The following UNC13C variants were observed in gnomAD, a reference collection of about 807,000 sequenced individuals.
UNC13C encodes the protein protein unc-13 homolog C.
In UNC13C, 174 loss-of-function variants were observed where a neutral mutation model predicts 245.4. That is an observed-to-expected ratio of 0.71 (90% CI 0.63 to 0.80). The LOEUF (loss-of-function observed/expected upper bound fraction) is 0.80, where lower values mean the gene tolerates loss of function less well. UNC13C is among the 30% of genes least tolerant of loss of function. The pLI is 0.00. For synonymous variants in UNC13C, 992 were observed against 895.1 expected, an observed-to-expected ratio of 1.11 and a Z score of -1.93; for missense variants, 2,829 against 2,602.9, an observed-to-expected ratio of 1.09 and a Z score of -1.89.
chr15:54,439,304 C>T (rs1010740517), intron 19 of UNC13C, among the ~76,000 whole-genome samples: 1 of 151,942 alleles, frequency 6.6e-6, no homozygotes, highest in Non-Finnish European at 1.5e-5. Flanking sequence ...TGTTACTACT[C>T]CCAAAAGATC....
chr15:54,219,304 A>C lies in UNC13C; in HGVS notation c.3072-15726A>C, dbSNP rs2035145929. On this transcript the variant is annotated intron_variant, in intron 4 of 32. Coordinates refer to ENST00000260323, the MANE Select transcript of UNC13C (RefSeq NM_001080534.3). ...CTCAGAAATAATGCCACATATCTAC[A>C]ACTATCTGATCTTTGACAAACCTGA... Among the ~76,000 whole-genome samples the C allele has an allele frequency of 4.0e-5, 6 of 151,326 alleles. No individual in the cohort carries two copies. In the South Asian group the frequency reaches 1.2e-3, roughly 31 times the overall value.
chr15:54,082,472 T>A (rs866757358), intron 2 of UNC13C, among the ~76,000 whole-genome samples: 13 of 152,190 alleles, frequency 8.5e-5, no homozygotes, highest in African/African-American at 2.2e-4. Flanking sequence ...TAATTTTTTT[T>A]AAATTTTGTC....
the UNC13C span, chr15:53,912,909 C>T: frequency 6.6e-6 from 1 of 152,162 alleles, no homozygotes; most frequent in Non-Finnish European, 1.5e-5. Context: ...AAGCAACATC[C>T]CCTCTGCATG....
At position 54,414,965 on chromosome 15, in the gene UNC13C, A is replaced by G. The variant is rs961524597; in HGVS notation, c.4848-17A>G. ...GCTTTTCTTCTTCATACACTAATACAATGTGTTTGGTTTTAGGTTTCCTCA... is the reference window on the plus strand; with the variant it reads ...GCTTTTCTTCTTCATACACTAATACGATGTGTTTGGTTTTAGGTTTCCTCA... On this transcript the variant is annotated splice_polypyrimidine_tract_variant and intron_variant, in intron 18 of 32. Coordinates refer to ENST00000260323, the MANE Select transcript of UNC13C (RefSeq NM_001080534.3). The G allele has an allele frequency of 5.6e-6, 9 of 1,603,608 alleles. No homozygotes were observed. The African/African-American group carries it at 1.2e-4, about 22-fold the overall frequency.
intron 17 of UNC13C, among the ~76,000 whole-genome samples, chr15:54,342,743 T>C (rs1444461591): frequency 6.6e-6 from 1 of 152,194 alleles, no homozygotes; most frequent in Non-Finnish European, 1.5e-5. Flanking sequence ...TTTAGCTAGG[T>C]TTCATATAGT....
At chr15:53,843,542 A>G in the UNC13C span, among the ~76,000 whole-genome samples, 58 of 152,140 alleles carry the variant, frequency 3.8e-4, no homozygotes, top group Middle Eastern at 3.4e-3. Context: ...TTTATAAGCA[A>G]TTAATCATGA....
At chr15:53,883,858 C>T in the UNC13C span, among the ~76,000 whole-genome samples, 1 of 152,230 alleles carries the variant, frequency 6.6e-6, no homozygotes, top group Non-Finnish European at 1.5e-5. Context: ...CTCACTATTT[C>T]CTCAAAGCAT....
intron 19 of UNC13C, among the ~76,000 whole-genome samples, chr15:54,486,719 C>A (rs571202491): frequency 6.6e-6 from 1 of 152,158 alleles, no homozygotes; most frequent in Non-Finnish European, 1.5e-5. Context: ...TATGATCCAG[C>A]CTGTTGGCTG....
At chr15:54,024,536 AT>A in intron 2 of UNC13C, among the ~76,000 whole-genome samples, 1 of 152,202 alleles carries the variant, frequency 6.6e-6, no homozygotes, top group Non-Finnish European at 1.5e-5. Flanking sequence ...GGTTGCCTCC[AT>A]AGGCTGTAAA....
intron 4 of UNC13C, among the ~76,000 whole-genome samples, chr15:54,226,030 TGATTGA>T (rs2035370870): frequency 6.6e-6 from 1 of 152,226 alleles, no homozygotes; most frequent in African/African-American, 2.4e-5. Flanking sequence ...ATGTTGAATT[TGATTGA>T]AGGCCTTTTT....
At chr15:53,938,935 A>T in the UNC13C span, among the ~76,000 whole-genome samples, 1 of 152,292 alleles carries the variant, frequency 6.6e-6, no homozygotes, top group African/African-American at 2.4e-5. Context: ...CATCTCAGCT[A>T]AAAGAACCAG....
intron 19 of UNC13C, among the ~76,000 whole-genome samples, chr15:54,417,706 A>C (rs2040551118): frequency 6.6e-6 from 1 of 152,146 alleles, no homozygotes; most frequent in African/African-American, 2.4e-5. Flanking sequence ...AGCTTTTTGA[A>C]AAAAAGAACT....
intron 17 of UNC13C, among the ~76,000 whole-genome samples, chr15:54,372,237 A>G (rs2039502373): frequency 6.6e-6 from 1 of 152,134 alleles, no homozygotes; most frequent in Non-Finnish European, 1.5e-5. Flanking sequence ...TGTCAATTAA[A>G]AAGTATAAAA....
At chr15:54,385,187 A>C (rs139530225) in intron 17 of UNC13C, among the ~76,000 whole-genome samples, 2 of 152,268 alleles carry the variant, frequency 1.3e-5, no homozygotes, top group East Asian at 3.9e-4. Context: ...GTGGAAAGAT[A>C]TGGAATCAAC....
intron 18 of UNC13C, among the ~76,000 whole-genome samples, chr15:54,400,928 GC>G (rs1888667910): frequency 6.6e-6 from 1 of 152,050 alleles, no homozygotes; most frequent in Non-Finnish European, 1.5e-5. Context: ...ATACTATGCA[GC>G]CATAAAAAGT....
At chr15:53,859,899 A>G in the UNC13C span, among the ~76,000 whole-genome samples, 14 of 152,202 alleles carry the variant, frequency 9.2e-5, no homozygotes, top group South Asian at 1.2e-3. Flanking sequence ...GTGTTCTCCT[A>G]CGGTTTTGTC....
chr15:54,574,792 A>T (rs1897890321), intron 30 of UNC13C, among the ~76,000 whole-genome samples: 1 of 152,246 alleles, frequency 6.6e-6, no homozygotes, highest in South Asian at 2.1e-4. Flanking sequence ...GTCTCTGCTT[A>T]TTTTAAGTTT....
chr15:54,539,420 TC>T lies in UNC13C; in HGVS notation c.5696+6356del, dbSNP rs1896141741. On this transcript the variant is annotated intron_variant, in intron 26 of 32. Transcript: ENST00000260323. ...AGAAAGAGAGAAGGAGAATTACTTT[TC>T]CTCATTTCTTTAGTTAGTTAATGTA... 3.3e-5 allele frequency among the ~76,000 whole-genome samples: 5 copies of T among 152,012 alleles called. No homozygotes were observed. In the South Asian group the frequency reaches 1.0e-3, roughly 31 times the overall value.
rs185610355 is a variant in UNC13C at position 54,336,637 on chromosome 15, T to A, written c.4585-1724T>A. On this transcript the variant is annotated intron_variant, in intron 16 of 32. Coordinates refer to ENST00000260323, the MANE Select transcript of UNC13C (RefSeq NM_001080534.3). ...GAATTTTGGGGATTGTTTTGCTGGT[T>A]GTTTTTGTTTGATATAAGGTGTAAA... Among the ~76,000 whole-genome samples, 8 of 152,262 alleles carry A rather than the reference T, an allele frequency of 5.3e-5. No homozygotes were observed. In the East Asian group the frequency reaches 1.5e-3, roughly 29 times the overall value.
Sources: allele counts gnomAD v4.1 joint callset (sites outside exome capture counted in the v4.1 genomes callset), GRCh38; gene constraint gnomAD v4.1.1; transcripts MANE v1.5; gene names NCBI Gene and HGNC (gene_info 2026-07-23, HGNC 2026-07-21).